COL5A2: variants seen among roughly 807,000 people sequenced by gnomAD.
COL5A2 encodes collagen alpha-2(V) chain.
COL5A2 carries 23 observed loss-of-function variants against 208.2 expected under a neutral mutation model. That is an observed-to-expected ratio of 0.11 (90% CI 0.08 to 0.16). COL5A2 has a LOEUF of 0.16. Ranked by LOEUF, COL5A2 falls within the 10% of genes least tolerant of loss-of-function variation. COL5A2 has a pLI of 1.00. For synonymous variants in COL5A2, 625 were observed against 628.5 expected (o/e 0.99, Z 0.08); for missense variants, 1,590 against 1,956.4 (o/e 0.81, Z 3.53).
the COL5A2 span, among the ~76,000 whole-genome samples, chr2:189,435,471 A>C: frequency 6.6e-6 from 1 of 152,186 alleles, no homozygotes; most frequent in East Asian, 1.9e-4. Flanking sequence ...AACTCAAACA[A>C]ATTTACAAGA....
At chr2:189,301,292 G>A in the COL5A2 span, among the ~76,000 whole-genome samples, 3 of 152,078 alleles carry the variant, frequency 2.0e-5, no homozygotes, top group African/African-American at 7.2e-5. Flanking sequence ...TAATTACACT[G>A]GAACAACAAT....
At chr2:189,317,909 A>G in the COL5A2 span, among the ~76,000 whole-genome samples, 2 of 152,234 alleles carry the variant, frequency 1.3e-5, no homozygotes. Flanking sequence ...TGACCAAAAT[A>G]TAGGAGCACT....
At chr2:189,190,218 C>T (rs1022981969) in intron 1 of COL5A2, among the ~76,000 whole-genome samples, 2 of 152,140 alleles carry the variant, frequency 1.3e-5, no homozygotes, top group African/African-American at 4.8e-5. Flanking sequence ...GTGATATCAT[C>T]TCATGAGATT....
At chr2:189,167,752 G>A (rs1688494919) in intron 1 of COL5A2, among the ~76,000 whole-genome samples, 1 of 149,652 alleles carries the variant, frequency 6.7e-6, no homozygotes, top group African/African-American at 2.5e-5. Flanking sequence ...GCAACCCAGA[G>A]CAATGCAGAG....
the COL5A2 span, among the ~76,000 whole-genome samples, chr2:189,440,950 T>C: frequency 6.6e-6 from 1 of 152,122 alleles, no homozygotes. Context: ...TGTAGTAACC[T>C]AAGCGATGTT....
chr2:189,218,535 C>T (rs1689307274), intron 1 of COL5A2, among the ~76,000 whole-genome samples: 1 of 152,158 alleles, frequency 6.6e-6, no homozygotes, highest in South Asian at 2.1e-4. Flanking sequence ...CAATCCAGAA[C>T]TGTGAGGGAA....
the COL5A2 span, among the ~76,000 whole-genome samples, chr2:189,312,554 C>A: frequency 1.5e-4 from 23 of 152,272 alleles, no homozygotes; most frequent in Non-Finnish European, 2.9e-4. Context: ...AGGAAGAGAG[C>A]AAGAGGACAG....
intron 1 of COL5A2, among the ~76,000 whole-genome samples, chr2:189,162,239 T>C (rs999485410): frequency 2.0e-5 from 3 of 152,220 alleles, no homozygotes; most frequent in Non-Finnish European, 4.4e-5. Flanking sequence ...AAGAATTAAA[T>C]ATTTGTTTCT....
intron 35 of COL5A2, among the ~76,000 whole-genome samples, chr2:189,056,044 T>C (rs1484321213): frequency 6.6e-6 from 1 of 152,240 alleles, no homozygotes; most frequent in East Asian, 1.9e-4. Context: ...TGGTGCATCC[T>C]TAATTAAATT....
chr2:189,034,867 A>G, intron 53 of COL5A2, 49 bp downstream of exon 53: 1 of 1,612,122 alleles, frequency 6.2e-7, no homozygotes, highest in Non-Finnish European at 8.5e-7. Context: ...TTTTAACAAA[A>G]ATAATTTTTT....
the COL5A2 span, among the ~76,000 whole-genome samples, chr2:189,377,761 A>C: frequency 0.036 from 5,531 of 152,282 alleles, 117 homozygotes; most frequent in Admixed American, 0.05. Flanking sequence ...TGAATATAAA[A>C]CTGAGAGATT....
At chr2:189,381,944 TTA>T in the COL5A2 span, among the ~76,000 whole-genome samples, 1 of 152,208 alleles carries the variant, frequency 6.6e-6, no homozygotes, top group East Asian at 1.9e-4. Flanking sequence ...GATAATTAAA[TTA>T]GACAATATAA....
chr2:189,249,135 T>C, the COL5A2 span, among the ~76,000 whole-genome samples: 1 of 152,202 alleles, frequency 6.6e-6, no homozygotes, highest in Non-Finnish European at 1.5e-5. Flanking sequence ...TAGGCATATA[T>C]TATCTCAGGA....
intron 13 of COL5A2, 131 bp downstream of exon 13, chr2:189,080,859 G>A: frequency 1.3e-6 from 1 of 768,042 alleles, no homozygotes; most frequent in Non-Finnish European, 2.3e-6. Flanking sequence ...AGTAACCACA[G>A]ATGAATACTG....
the COL5A2 span, among the ~76,000 whole-genome samples, chr2:189,332,888 G>A: frequency 1.3e-5 from 2 of 152,130 alleles, no homozygotes; most frequent in South Asian, 2.1e-4. Context: ...TTGTGTTTTG[G>A]AGACAACATT....
Position 189,058,876 on chromosome 2 carries a change from G to A in COL5A2, c.2103C>T (p.Pro701=), listed in dbSNP as rs376612765. The part of the protein sequence containing the change: ...KPGDQGVPGD[P]GAVGPLGPRG... ...TAGGTCCTAACGGGCCAACTGCTCC[G>A]GGATCTCCAGGAACACCCTATAAAC... Residue 701 remains proline, a synonymous_variant, in exon 32 of 54, where the codon CCC becomes CCT. Coordinates refer to ENST00000374866, the MANE Select transcript of COL5A2 (RefSeq NM_000393.5). The A allele has an allele frequency of 5.6e-5, 90 of 1,608,926 alleles. No individual in the cohort carries two copies. The African/African-American group carries it at 7.4e-4, about 13-fold the overall frequency.
At chr2:189,254,657 C>G in the COL5A2 span, among the ~76,000 whole-genome samples, 1 of 152,214 alleles carries the variant, frequency 6.6e-6, no homozygotes, top group Non-Finnish European at 1.5e-5. Context: ...GCAGCCACTC[C>G]AGGCCCTGTG....
At chr2:189,283,879 A>T in the COL5A2 span, among the ~76,000 whole-genome samples, 2 of 152,164 alleles carry the variant, frequency 1.3e-5, no homozygotes, top group Non-Finnish European at 2.9e-5. Context: ...AACTTCAAAA[A>T]ATACCACATG....
chr2:189,360,304 A>G, the COL5A2 span, among the ~76,000 whole-genome samples: 1 of 152,226 alleles, frequency 6.6e-6, no homozygotes, highest in African/African-American at 2.4e-5. Context: ...TAAAATTTTA[A>G]TTAGGATTTT....
Sources: allele counts gnomAD v4.1 joint callset (sites outside exome capture counted in the v4.1 genomes callset), GRCh38; gene constraint gnomAD v4.1.1; transcripts MANE v1.5; gene names NCBI Gene and HGNC (gene_info 2026-07-23, HGNC 2026-07-21).